Variants in ADAD1 observed in about 807,000 individuals in gnomAD.
The protein encoded by ADAD1 is adenosine deaminase domain-containing protein 1.
Under a neutral mutation model 66.8 loss-of-function variants are expected in ADAD1, and 46 were observed. That is an observed-to-expected ratio of 0.69 (90% CI 0.54 to 0.88). The LOEUF (loss-of-function observed/expected upper bound fraction) is 0.88, where lower values mean the gene tolerates loss of function less well. Ranked by LOEUF, ADAD1 falls within the 40% of genes least tolerant of loss-of-function variation. ADAD1 has a pLI of 0.00. For missense variants in ADAD1, 617 were observed against 681.8 expected (o/e 0.91, Z 1.06); for synonymous variants, 248 against 229.4 (o/e 1.08, Z -0.73).
chr4:122,393,636 T>C lies in ADAD1; in HGVS notation c.577T>C (p.Tyr193His), dbSNP rs763298190. The change falls in exon 6 of 13, where the codon TAT (tyrosine) becomes CAT (histidine). Residue 193 changes from tyrosine (Y) to histidine (H), a missense_variant. Physicochemically the swap from Tyr to His is moderately conservative, Grantham distance 83. Transcript: ENST00000296513. ...ACCTGTTGTTTTATCTGAACTAGCA[T>C]ATGTTTCAAAAGTACATTATGGTAG... ...AEPVVLSELA[Y>H]VSKVHYEGRH... The C allele has an allele frequency of 3.1e-6, 5 of 1,602,814 alleles. No homozygotes were observed. In the East Asian group the frequency reaches 1.1e-4, roughly 36 times the overall value.
At chr4:122,429,592 A>C in intron 12 of ADAD1, 34 bp from the exon 13 acceptor site, 19 of 1,390,638 alleles carry the variant, frequency 1.4e-5, no homozygotes, top group Non-Finnish European at 1.9e-5. Context: ...AATGCTGCCT[A>C]TTTTCTATAA....
At chr4:122,413,239 A>G (rs961594225) in intron 10 of ADAD1, among the ~76,000 whole-genome samples, 1 of 152,098 alleles carries the variant, frequency 6.6e-6, no homozygotes, top group East Asian at 1.9e-4. Flanking sequence ...CTGTACCCCA[A>G]CATTATTTTA....
intron 12 of ADAD1, among the ~76,000 whole-genome samples, chr4:122,422,324 C>T (rs1412935936): frequency 1.3e-5 from 2 of 152,018 alleles, no homozygotes; most frequent in Non-Finnish European, 2.9e-5. Context: ...GGGGTTTCGC[C>T]ATGTTGGCCG....
Position 122,415,408 on chromosome 4 carries a change from T to C in ADAD1, c.1279T>C (p.Leu427=), listed in dbSNP as rs536641570. Residue 427 remains leucine, a synonymous_variant, in exon 11 of 13, where the codon TTA becomes CTA. Transcript: ENST00000296513. ...GDGNCSDTRG[L]EIAIKQRVDD... Reference sequence around the variant, plus strand: ...TGGGAATTGCAGTGATACCAGAGGCTTAGAAATCGCTATAAAGCAACGTGT... The same window carrying C: ...TGGGAATTGCAGTGATACCAGAGGCCTAGAAATCGCTATAAAGCAACGTGT... The C allele has an allele frequency of 1.2e-6, 2 of 1,613,792 alleles. No individual in the cohort carries two copies. The highest frequency in any genetic ancestry group is 2.2e-5 in the South Asian group (2 of 91,028).
At chr4:122,391,197 A>C (rs2127512) in intron 5 of ADAD1, among the ~76,000 whole-genome samples, 7,490 of 151,990 alleles carry the variant, frequency 0.049, 260 homozygotes, top group Non-Finnish European at 0.074. Context: ...TGGAGATGTC[A>C]CTCAGGGAGG....
intron 8 of ADAD1, among the ~76,000 whole-genome samples, chr4:122,409,699 G>A (rs1039265076): frequency 6.6e-6 from 1 of 151,888 alleles, no homozygotes; most frequent in African/African-American, 2.4e-5. Context: ...TTTTTTGTGT[G>A]TTTTGTTTGT....
At chr4:122,401,608 C>T (rs924426678) in intron 7 of ADAD1, among the ~76,000 whole-genome samples, 1 of 152,022 alleles carries the variant, frequency 6.6e-6, no homozygotes, top group African/African-American at 2.4e-5. Flanking sequence ...AAGTCCCCGA[C>T]TATTATTGTG....
chr4:122,425,302 A>G (rs1797180582), intron 12 of ADAD1, among the ~76,000 whole-genome samples: 3 of 152,122 alleles, frequency 2.0e-5, no homozygotes, highest in South Asian at 2.1e-4. Context: ...AACAAGTCTC[A>G]GTAATCTTAA....
rs1388073666 is a variant in ADAD1, at chr4:122,429,649, A to G, written c.1641A>G (p.Glu547=). Residue 547 remains glutamate, a synonymous_variant, in exon 13 of 13, where the codon GAA becomes GAG. Transcript: ENST00000296513. ...AAKCMSASYQ[E]AKCKLKSYLQ... is the part of the protein sequence containing the mutation. ...AGTGTATGTCTGCCTCCTATCAAGA[A>G]GCTAAATGTAAGTTGAAATCCTACT... The G allele has an allele frequency of 2.5e-6, 4 of 1,612,850 alleles. No individual in the cohort carries two copies. Among genetic ancestry groups the G allele is most frequent in the Non-Finnish European group, 3.4e-6 (4 of 1,179,196 alleles).
At chr4:122,395,042 G>A (rs1172059308) in intron 6 of ADAD1, among the ~76,000 whole-genome samples, 1 of 151,984 alleles carries the variant, frequency 6.6e-6, no homozygotes, top group South Asian at 2.1e-4. Context: ...CTATATATAT[G>A]TGTGTGTGTA....
chr4:122,416,939 A>G (rs1796763825), intron 11 of ADAD1, among the ~76,000 whole-genome samples: 2 of 152,178 alleles, frequency 1.3e-5, no homozygotes, highest in Non-Finnish European at 2.9e-5. Flanking sequence ...ACATCAAAAA[A>G]TTATTCACTG....
At chr4:122,386,157 C>T (rs1316092549) in intron 5 of ADAD1, among the ~76,000 whole-genome samples, 1 of 152,132 alleles carries the variant, frequency 6.6e-6, no homozygotes, top group Non-Finnish European at 1.5e-5. Flanking sequence ...ACATTCCCAC[C>T]AATAGTATAA....
chr4:122,398,823 ATT>A (rs540968981), intron 7 of ADAD1, among the ~76,000 whole-genome samples: 3 of 144,318 alleles, frequency 2.1e-5, no homozygotes, highest in African/African-American at 2.5e-5. Context: ...TGATGGGATT[ATT>A]TTTTTTTTTC....
chr4:122,403,671 G>C (rs1031221912), intron 7 of ADAD1, among the ~76,000 whole-genome samples: 4 of 152,094 alleles, frequency 2.6e-5, no homozygotes, highest in African/African-American at 9.7e-5. Context: ...GTAGGAGAAT[G>C]GGGGGATATA....
At chr4:122,419,058 G>C (rs913553686) in intron 11 of ADAD1, among the ~76,000 whole-genome samples, 1 of 152,130 alleles carries the variant, frequency 6.6e-6, no homozygotes, top group African/African-American at 2.4e-5. Flanking sequence ...AAATCATTCT[G>C]TTATAAAGAC....
At chr4:122,418,306 C>CTTTTTTTTTTTT (rs10527795) in intron 11 of ADAD1, among the ~76,000 whole-genome samples, 1 of 94,648 alleles carries the variant, frequency 1.1e-5, no homozygotes, top group Non-Finnish European at 2.2e-5. Context: ...ACGTTATTTT[C>CTTTTTTTTTTTT]TTTTTTTTTT....
In ADAD1 at chr4:122,415,562, A is replaced by G. The variant is rs759170173; in HGVS notation, c.1433A>G (p.Gln478Arg). The G allele has an allele frequency of 4.3e-6, 7 of 1,613,934 alleles. No homozygotes were observed. In the South Asian group the frequency reaches 7.7e-5, roughly 18 times the overall value. ...EYKFLSLNWA[Q>R]GDVSLEIVDG... ...AAATTTCTGAGTCTGAATTGGGCAC[A>G]AGGAGATGTTTCTTTGGAGATTGTG... Residue 478 changes from glutamine (Q) to arginine (R), a missense_variant, in exon 11 of 13, where the codon CAA becomes CGA. Coordinates refer to ENST00000296513, the MANE Select transcript of ADAD1 (RefSeq NM_139243.4).
intron 5 of ADAD1, among the ~76,000 whole-genome samples, chr4:122,390,898 T>C (rs1561534452): frequency 6.6e-6 from 1 of 152,222 alleles, no homozygotes; most frequent in Admixed American, 6.5e-5. Context: ...TTATGTGCCC[T>C]TGATGGAGAG....
chr4:122,399,911 T>G (rs74497390), intron 7 of ADAD1, among the ~76,000 whole-genome samples: 2,504 of 152,124 alleles, frequency 0.016, 69 homozygotes, highest in African/African-American at 0.057. Context: ...GATGAATCTT[T>G]AGGGTGTTCT....
Sources: gnomAD v4.1 joint callset for allele counts (sites outside exome capture counted in the v4.1 genomes callset) on GRCh38, gnomAD v4.1.1 for gene constraint, MANE v1.5 for transcripts, NCBI Gene and HGNC (gene_info 2026-07-23, HGNC 2026-07-21) for gene names.